Variants in SNX31 observed in about 807,000 individuals in gnomAD.
SNX31 encodes the protein sorting nexin 31, also known as sorting nexin-31.
Under a neutral mutation model 65.4 loss-of-function variants are expected in SNX31, and 58 were observed. The observed-to-expected ratio is 0.89, with a 90% CI of 0.72 to 1.10. The LOEUF is 1.10. SNX31 is among the 50% of genes least tolerant of loss of function. SNX31 has a pLI of 0.00. For missense variants in SNX31, 523 were observed against 529.7 expected (o/e 0.99, Z 0.12); for synonymous variants, 181 against 190.1 (o/e 0.95, Z 0.39).
intron 1 of SNX31, among the ~76,000 whole-genome samples, chr8:100,656,784 C>A (rs538610658): frequency 6.6e-6 from 1 of 151,864 alleles, no homozygotes; most frequent in Non-Finnish European, 1.5e-5. Context: ...CTTTGGGATC[C>A]TTTCACAATG....
At position 100,588,837 on chromosome 8, in the gene SNX31, G is replaced by C; in HGVS notation, c.1092+29C>G. ...AGCAAGACAGCATTTCAGCACAGAG[G>C]GTGTTCAAGGTCTGCCCTGAGAACT... On this transcript the variant is annotated intron_variant, in intron 11 of 13. Transcript: ENST00000311812. The surrounding 1 kb of genome is among the most constrained non-coding windows in gnomAD (Gnocchi z 4.8). 1 of 1,501,512 alleles carries C rather than the reference G, an allele frequency of 6.7e-7. No homozygotes were observed. The highest frequency in any genetic ancestry group is 1.1e-5 in the South Asian group (1 of 88,324). 93.0% of individuals were successfully genotyped at this position (1,501,512 alleles called of 1,614,324 possible).
At chr8:100,595,824 G>A (rs1410956778) in intron 10 of SNX31, among the ~76,000 whole-genome samples, 3 of 152,178 alleles carry the variant, frequency 2.0e-5, no homozygotes, top group Admixed American at 2.0e-4. Flanking sequence ...TTTGAGCAGG[G>A]TCTGGGCATT....
In SNX31 at chr8:100,626,658, T is replaced by A. The variant is rs780018005; in HGVS notation, c.321+3669A>T. Among the ~76,000 whole-genome samples, 20 of 152,166 alleles carry A rather than the reference T, an allele frequency of 1.3e-4. No homozygotes were observed. Among genetic ancestry groups the A allele is most frequent in the Non-Finnish European group, 2.5e-4 (17 of 68,036 alleles). On this transcript the variant is annotated intron_variant, in intron 4 of 13. Coordinates refer to ENST00000311812, the MANE Select transcript of SNX31 (RefSeq NM_152628.4). The surrounding 1 kb of genome is among the most constrained non-coding windows in gnomAD (Gnocchi z 4.4). ...AACAGCAGCCTGTTTCAAAGTTGATTGATGACTTAAAGATAACTGGCAAGG... is the reference window on the plus strand; with the variant it reads ...AACAGCAGCCTGTTTCAAAGTTGATAGATGACTTAAAGATAACTGGCAAGG...
At position 100,622,688 on chromosome 8, in the gene SNX31, AT is replaced by A. The variant is rs1224235979; in HGVS notation, c.322-4959del. On this transcript the variant is annotated intron_variant, in intron 4 of 13. Transcript: ENST00000311812. The surrounding 1 kb of genome is among the most constrained non-coding windows in gnomAD (Gnocchi z 5.0). ...AGTAAATAAATAAATAAATAAATAA[AT>A]AAATAAAAATAAAAATAAATTAAAT... Among the ~76,000 whole-genome samples the A allele has an allele frequency of 6.6e-6, 1 of 151,120 alleles. No individual in the cohort carries two copies. The highest frequency in any genetic ancestry group is 1.9e-4 in the East Asian group (1 of 5,200).
Position 100,588,931 on chromosome 8 carries a change from A to G in SNX31, c.1027T>C (p.Leu343=). Residue 343 remains leucine (L), a synonymous_variant, in exon 11 of 14, where the codon TTA becomes CTA. Transcript: ENST00000311812. The surrounding 1 kb of genome is among the most constrained non-coding windows in gnomAD (Gnocchi z 4.8). ...TCACTGTATTGAAATCTGAGCTCTAAGTTCTGGTTGAGAGTTCTCTGGGGC... is the reference window on the plus strand; with the variant it reads ...TCACTGTATTGAAATCTGAGCTCTAGGTTCTGGTTGAGAGTTCTCTGGGGC... ...DGPQRTLNQN[L]ELRFQYSEDS... 3 of 1,614,076 alleles carry G rather than the reference A, an allele frequency of 1.9e-6. No homozygotes were observed. Among genetic ancestry groups the G allele is most frequent in the South Asian group, 2.2e-5 (2 of 91,070 alleles).
chr8:100,623,279 T>TCACC (rs1817824223), intron 4 of SNX31, among the ~76,000 whole-genome samples: 1 of 151,976 alleles, frequency 6.6e-6, no homozygotes, highest in African/African-American at 2.4e-5. Context: ...ACTCACTCAC[T>TCACC]GTCATGAGAA....
At chr8:100,605,847 G>A (rs1187340989) in intron 8 of SNX31, among the ~76,000 whole-genome samples, 1 of 152,134 alleles carries the variant, frequency 6.6e-6, no homozygotes, top group Non-Finnish European at 1.5e-5. Context: ...CAAAAGACAT[G>A]CCATAAAGAT....
chr8:100,642,203 G>A (rs1718994772), intron 2 of SNX31, among the ~76,000 whole-genome samples: 1 of 152,240 alleles, frequency 6.6e-6, no homozygotes, highest in South Asian at 2.1e-4. Context: ...AGGCAGGGCT[G>A]CTGAAACAAC....
rs1483641754 is a variant in SNX31 at position 100,630,431 on chromosome 8, G to T, written c.257-40C>A. 6.3e-7 allele frequency: 1 copy of T among 1,580,676 alleles called. No individual in the cohort carries two copies. The highest frequency in any genetic ancestry group is 1.8e-5 in the Admixed American group (1 of 55,590). On this transcript the variant is annotated intron_variant, in intron 3 of 13. Transcript: ENST00000311812. This position sits in a 1 kb window ranked among gnomAD's most constrained non-coding sequence, Gnocchi z 5.3. Reference sequence around the variant, plus strand: ...CGGTGAGCCAGGTTAGCATGGGCTGGGCTGGGCCCTGCCTATTAATTGCTA... The same window carrying T: ...CGGTGAGCCAGGTTAGCATGGGCTGTGCTGGGCCCTGCCTATTAATTGCTA...
chr8:100,655,219 G>T (rs1020215383), intron 1 of SNX31, among the ~76,000 whole-genome samples: 2 of 152,154 alleles, frequency 1.3e-5, no homozygotes, highest in Non-Finnish European at 2.9e-5. Context: ...GGAGGGAAAG[G>T]CTTTCTGGAG....
intron 7 of SNX31, among the ~76,000 whole-genome samples, 168 bp from the exon 8 acceptor site, chr8:100,608,731 GT>G (rs1816423104): frequency 6.6e-6 from 1 of 152,036 alleles, no homozygotes; most frequent in South Asian, 2.1e-4. Context: ...CACCTCTTTC[GT>G]TTCCTAATTT....
In SNX31 at chr8:100,594,095, G is replaced by A. The variant is rs1814838771; in HGVS notation, c.978+2544C>T. 6.6e-6 allele frequency among the ~76,000 whole-genome samples: 1 copy of A among 152,084 alleles called. No homozygotes were observed. The highest frequency in any genetic ancestry group is 1.5e-5 in the Non-Finnish European group (1 of 68,020). Reference sequence around the variant, plus strand: ...AAGCAGGCAGATTGTTTGAGGTCAGGAGTTTGAGACCAGCCAGGACAACGT... The same window carrying A: ...AAGCAGGCAGATTGTTTGAGGTCAGAAGTTTGAGACCAGCCAGGACAACGT... On this transcript the variant is annotated intron_variant, in intron 10 of 13. Coordinates refer to ENST00000311812, the MANE Select transcript of SNX31 (RefSeq NM_152628.4). This position sits in a 1 kb window ranked among gnomAD's most constrained non-coding sequence, Gnocchi z 4.0.
rs1321436248 is a variant in SNX31, at chr8:100,613,477, C to T, written c.433-392G>A. Among the ~76,000 whole-genome samples, 1 of 152,112 alleles carries T rather than the reference C, an allele frequency of 6.6e-6. No homozygotes were observed. Among genetic ancestry groups the T allele is most frequent in the African/African-American group, 2.4e-5 (1 of 41,410 alleles). The stretch of plus-strand genomic sequence containing the variant: ...CCCTGGAACCTGCACACTAGTTTAC[C>T]TTCCTGTGGGCTGCATTACCAGCTA... On this transcript the variant is annotated intron_variant, in intron 5 of 13. Transcript: ENST00000311812. The surrounding 1 kb of genome is among the most constrained non-coding windows in gnomAD (Gnocchi z 5.2).
intron 5 of SNX31, among the ~76,000 whole-genome samples, chr8:100,616,559 T>C (rs1390744161): frequency 6.6e-6 from 1 of 152,198 alleles, no homozygotes; most frequent in African/African-American, 2.4e-5. Flanking sequence ...TTGATACTTT[T>C]TAGAAAGACT....
Position 100,648,641 on chromosome 8 carries a change from AC to A in SNX31, c.141+632del, listed in dbSNP as rs1819811963. ...AACACCTCCTTATAAGAACAATGAA[AC>A]CCATTAGAGCAGACTAATAAATCAG... On this transcript the variant is annotated intron_variant, in intron 2 of 13. Coordinates refer to ENST00000311812, the MANE Select transcript of SNX31 (RefSeq NM_152628.4). This position sits in a 1 kb window ranked among gnomAD's most constrained non-coding sequence, Gnocchi z 4.3. Among the ~76,000 whole-genome samples, 1 of 152,158 alleles carries A rather than the reference AC, an allele frequency of 6.6e-6. No homozygotes were observed. The highest frequency in any genetic ancestry group is 2.4e-5 in the African/African-American group (1 of 41,414).
In SNX31 at chr8:100,622,755, T is replaced by C. The variant is rs557897081; in HGVS notation, c.322-5025A>G. On this transcript the variant is annotated intron_variant, in intron 4 of 13. Coordinates refer to ENST00000311812, the MANE Select transcript of SNX31 (RefSeq NM_152628.4). This position sits in a 1 kb window ranked among gnomAD's most constrained non-coding sequence, Gnocchi z 5.0. ...TGGAGTGTTGATACATGAACTTCCC[T>C]CTCTAGCCCTCGACTGCATACTTAT... Among the ~76,000 whole-genome samples the C allele has an allele frequency of 3.7e-4, 57 of 152,292 alleles. No homozygotes were observed. The highest frequency in any genetic ancestry group is 1.3e-3 in the African/African-American group (56 of 41,562).
At position 100,630,511 on chromosome 8, in the gene SNX31, G is replaced by T; in HGVS notation, c.257-120C>A. The T allele has an allele frequency of 1.3e-6, 1 of 773,736 alleles. No individual in the cohort carries two copies. Among genetic ancestry groups the T allele is most frequent in the Non-Finnish European group, 2.0e-6 (1 of 493,190 alleles). The allele number at this position is 773,736 out of a possible 1,614,324, so 47.9% of individuals were successfully genotyped here. ...CAGTGCTCTGTCTCCTCCCTGAAGT[G>T]ATAAATGTTGAAACCTCTCAAATAC... On this transcript the variant is annotated intron_variant, in intron 3 of 13. Coordinates refer to ENST00000311812, the MANE Select transcript of SNX31 (RefSeq NM_152628.4). The surrounding 1 kb of genome is among the most constrained non-coding windows in gnomAD (Gnocchi z 5.3).
At chr8:100,657,907 C>T (rs563729198) in intron 1 of SNX31, 22 of 362,966 alleles carry the variant, frequency 6.1e-5, no homozygotes, top group African/African-American at 4.7e-4. Flanking sequence ...ACAACAACAA[C>T]AACAACAACA....
intron 10 of SNX31, among the ~76,000 whole-genome samples, chr8:100,590,043 A>G (rs1563520683): frequency 6.6e-6 from 1 of 152,208 alleles, no homozygotes; most frequent in Non-Finnish European, 1.5e-5. Context: ...TTAACTTTCT[A>G]AAGCCTCTGC....
Sources: gnomAD v4.1 joint callset for allele counts (sites outside exome capture counted in the v4.1 genomes callset) on GRCh38, gnomAD v4.1.1 for gene constraint, Gnocchi (gnomAD v3.1) non-coding constraint, MANE v1.5 for transcripts, NCBI Gene and HGNC (gene_info 2026-07-23, HGNC 2026-07-21) for gene names.